The following GPC4 variants were observed in gnomAD, a reference collection of about 807,000 sequenced individuals.
GPC4 encodes the protein glypican 4.
Under a neutral mutation model 35.0 loss-of-function variants are expected in GPC4, and 10 were observed. The observed-to-expected ratio is 0.29, with a 90% CI of 0.18 to 0.48. The LOEUF is 0.48. Ranked by LOEUF, GPC4 falls within the 20% of genes least tolerant of loss-of-function variation. The pLI, the probability that GPC4 is intolerant of heterozygous loss-of-function variation, is 0.99. For synonymous variants in GPC4, 167 were observed against 170.2 expected (o/e 0.98, Z 0.15); for missense variants, 322 against 451.3 (o/e 0.71, Z 2.60).
intron 1 of GPC4, among the ~76,000 whole-genome samples, chrX:133,395,034 G>A (rs1262014688): frequency 9.0e-6 from 1 of 111,185 alleles, no homozygotes; most frequent in Non-Finnish European, 1.9e-5. Flanking sequence ...ATAACCAGTT[G>A]GTGTTCCTAT....
intron 1 of GPC4, among the ~76,000 whole-genome samples, chrX:133,406,746 TC>T (rs1167088019): frequency 6.4e-5 from 2 of 31,427 alleles, no homozygotes. Context: ...AGACTTCGTC[TC>T]AAAAAAAAAA....
intron 1 of GPC4, among the ~76,000 whole-genome samples, chrX:133,361,662 G>T (rs762445095): frequency 9.0e-6 from 1 of 111,669 alleles, no homozygotes; most frequent in Admixed American, 9.5e-5. Context: ...ACCATTGCTG[G>T]TCTTTGCCAT....
intron 1 of GPC4, among the ~76,000 whole-genome samples, chrX:133,413,359 C>T (rs944205383): frequency 2.7e-5 from 3 of 112,053 alleles, no homozygotes; most frequent in African/African-American, 9.7e-5. Flanking sequence ...TCTAGACAGA[C>T]GCCAGTTACA....
At chrX:133,347,001 C>T (rs1220805691) in intron 1 of GPC4, among the ~76,000 whole-genome samples, 1 of 110,980 alleles carries the variant, frequency 9.0e-6, no homozygotes, top group Non-Finnish European at 1.9e-5. Context: ...AGTCACTGTA[C>T]ACTTCAAATA....
chrX:133,337,383 G>A (rs761101865), intron 2 of GPC4, among the ~76,000 whole-genome samples: 2 of 111,728 alleles, frequency 1.8e-5, no homozygotes, highest in South Asian at 3.8e-4. Flanking sequence ...CATGGGGAGC[G>A]AGAAGGGAAA....
chrX:133,379,578 G>A (rs1298336822), intron 1 of GPC4, among the ~76,000 whole-genome samples: 1 of 111,898 alleles, frequency 8.9e-6, no homozygotes, highest in Non-Finnish European at 1.9e-5. Flanking sequence ...TGTTATGTGA[G>A]TTTCAACAAA....
At chrX:133,403,653 G>A (rs1215115410) in intron 1 of GPC4, among the ~76,000 whole-genome samples, 1 of 110,548 alleles carries the variant, frequency 9.0e-6, no homozygotes, top group Admixed American at 9.6e-5. Context: ...GTTAGGAACT[G>A]GGGATACATG....
At chrX:133,405,659 G>T (rs752791634) in intron 1 of GPC4, among the ~76,000 whole-genome samples, 1 of 111,610 alleles carries the variant, frequency 9.0e-6, no homozygotes, top group Non-Finnish European at 1.9e-5. Flanking sequence ...CCTCTAACAC[G>T]ATCCCTTCCT....
rs2068382529 is a variant in GPC4, at chrX:133,324,548, ACC to A, written c.320-14_320-13del. On this transcript the variant is annotated splice_polypyrimidine_tract_variant and intron_variant, in intron 2 of 8. Transcript: ENST00000370828. Reference sequence around the variant, plus strand: ...TTCTTTGAAGAATTCTGAAACCAACACCAAAAAAAAAAAAAAAAAAAGGAAAA... The same window carrying A: ...TTCTTTGAAGAATTCTGAAACCAACAAAAAAAAAAAAAAAAAAAAGGAAAA... 3.5e-6 allele frequency: 3 copies of A among 850,680 alleles called. No homozygotes were observed. The highest frequency in any genetic ancestry group is 4.4e-6 in the Non-Finnish European group (3 of 676,486). 70.1% of individuals were successfully genotyped at this position (850,680 alleles called of 1,213,427 possible). A position where few individuals can be genotyped will look rare whatever the true frequency, so the allele number is the denominator to read the frequency against.
intron 1 of GPC4, among the ~76,000 whole-genome samples, chrX:133,366,005 T>A (rs959040580): frequency 8.9e-6 from 1 of 112,066 alleles, no homozygotes; most frequent in Non-Finnish European, 1.9e-5. Context: ...CCTCAAGAGC[T>A]GGACAGAAAG....
Position 133,390,545 on chromosome X carries a change from C to T in GPC4, c.160+24261G>A, listed in dbSNP as rs185132148. On this transcript the variant is annotated intron_variant, in intron 1 of 8. Coordinates refer to ENST00000370828, the MANE Select transcript of GPC4 (RefSeq NM_001448.3). ...AAGGAGGGACAGGAGTTGCTAAAAG[C>T]GAGCAAGCTAACAGCAGTACAGAAT... Among the ~76,000 whole-genome samples the T allele has an allele frequency of 2.7e-5, 3 of 111,700 alleles. No homozygotes were observed. In the East Asian group the frequency reaches 8.4e-4, roughly 31 times the overall value.
chrX:133,376,217 T>C (rs181804814), intron 1 of GPC4, among the ~76,000 whole-genome samples: 1 of 112,381 alleles, frequency 8.9e-6, no homozygotes, highest in African/African-American at 3.2e-5. Context: ...GTGCAGCTAA[T>C]GGACAGACAG....
At chrX:133,372,224 TAA>T (rs372391787) in intron 1 of GPC4, among the ~76,000 whole-genome samples, 2,418 of 82,403 alleles carry the variant, frequency 0.029, 131 homozygotes, top group African/African-American at 0.1. Context: ...ACTCCGTCTT[TAA>T]AAAAAAAAAA....
chrX:133,332,659 A>C (rs1388205207), intron 2 of GPC4, among the ~76,000 whole-genome samples: 1 of 112,116 alleles, frequency 8.9e-6, no homozygotes, highest in Non-Finnish European at 1.9e-5. Flanking sequence ...TTGGCCTCCC[A>C]AACTGCTAGG....
chrX:133,338,023 T>C (rs1378421657), intron 2 of GPC4, among the ~76,000 whole-genome samples: 1 of 109,668 alleles, frequency 9.1e-6, no homozygotes, highest in Non-Finnish European at 1.9e-5. Context: ...AGTGTTTTAG[T>C]TCAACTACAT....
At chrX:133,365,307 C>T (rs890168172) in intron 1 of GPC4, among the ~76,000 whole-genome samples, 1 of 111,731 alleles carries the variant, frequency 9.0e-6, no homozygotes, top group South Asian at 3.7e-4. Flanking sequence ...TGCTTTGCCT[C>T]GACCTTCACC....
At chrX:133,360,544 AAG>A (rs201481131) in intron 1 of GPC4, among the ~76,000 whole-genome samples, 1,909 of 109,849 alleles carry the variant, frequency 0.017, 50 homozygotes, top group African/African-American at 0.061. Flanking sequence ...GAAAAAAAAA[AAG>A]AAGAAGAAGA....
intron 1 of GPC4, among the ~76,000 whole-genome samples, chrX:133,356,145 A>T (rs1249238073): frequency 1.8e-5 from 2 of 111,991 alleles, no homozygotes; most frequent in Non-Finnish European, 3.8e-5. Context: ...TTCAAGTTTC[A>T]TGTTGAAATC....
At chrX:133,396,018 T>C (rs1279093588) in intron 1 of GPC4, among the ~76,000 whole-genome samples, 1 of 112,103 alleles carries the variant, frequency 8.9e-6, no homozygotes, top group Admixed American at 9.5e-5. Flanking sequence ...CTAAGAAACC[T>C]AAGTTATATG....
Sources: allele counts gnomAD v4.1 joint callset (sites outside exome capture counted in the v4.1 genomes callset), GRCh38; gene constraint gnomAD v4.1.1; transcripts MANE v1.5; gene names NCBI Gene and HGNC (gene_info 2026-07-23, HGNC 2026-07-21).